KCNIP4: variants seen among roughly 807,000 people sequenced by gnomAD.
KCNIP4 encodes potassium voltage-gated channel interacting protein 4.
Under a neutral mutation model 34.0 loss-of-function variants are expected in KCNIP4, and 12 were observed. The observed-to-expected ratio is 0.35, with a 90% CI of 0.23 to 0.57. The LOEUF is 0.57. Ranked by LOEUF, KCNIP4 falls within the 20% of genes least tolerant of loss-of-function variation. The pLI is 0.83. For synonymous variants in KCNIP4, 124 were observed against 102.2 expected, an observed-to-expected ratio of 1.21 and a Z score of -1.29; for missense variants, 238 against 311.7, an observed-to-expected ratio of 0.76 and a Z score of 1.78.
chr4:20,854,948 C>G (rs1347917277), intron 2 of KCNIP4, among the ~76,000 whole-genome samples: 1 of 152,094 alleles, frequency 6.6e-6, no homozygotes, highest in Non-Finnish European at 1.5e-5. Context: ...ATTTTGTGCC[C>G]ATAGATGTTT....
chr4:20,927,544 A>G (rs1384152688), intron 1 of KCNIP4, among the ~76,000 whole-genome samples: 4 of 152,214 alleles, frequency 2.6e-5, no homozygotes, highest in Non-Finnish European at 5.9e-5. Context: ...CAGTTCTTTG[A>G]AATGTGATAA....
intron 1 of KCNIP4, among the ~76,000 whole-genome samples, chr4:21,668,301 T>C (rs997612042): frequency 2.0e-5 from 3 of 152,098 alleles, no homozygotes; most frequent in African/African-American, 7.2e-5. Context: ...GGCACAGGTA[T>C]ACCTATGTAA....
chr4:21,368,523 A>C (rs1006011658), intron 1 of KCNIP4, among the ~76,000 whole-genome samples: 1 of 147,264 alleles, frequency 6.8e-6, no homozygotes, highest in Middle Eastern at 3.2e-3. Flanking sequence ...TATTAGTCCA[A>C]TATTATCTTC....
In KCNIP4 at chr4:21,589,327, C is replaced by CATGTATATATATACAT. The variant is rs1410227798; in HGVS notation, c.61+359243_61+359244insATGTATATATATACAT. Among the ~76,000 whole-genome samples, 1,196 of 139,308 alleles carry CATGTATATATATACAT rather than the reference C, an allele frequency of 8.6e-3. 24 individuals are homozygous for CATGTATATATATACAT. Among genetic ancestry groups the CATGTATATATATACAT allele is most frequent in the African/African-American group, 0.029 (1,071 of 37,528 alleles). 91.4% of individuals were successfully genotyped at this position (139,308 alleles called of 152,430 possible). A position where few individuals can be genotyped will look rare whatever the true frequency, so the allele number is the denominator to read the frequency against. On this transcript the variant is annotated intron_variant, in intron 1 of 8. Coordinates refer to ENST00000382152, the MANE Select transcript of KCNIP4 (RefSeq NM_025221.6). ...ATACATATATACATGTACATATACA[C>CATGTATATATATACAT]GTGTATATATATACATGTGTATGTA...
intron 1 of KCNIP4, among the ~76,000 whole-genome samples, chr4:21,725,222 A>G (rs1224264471): frequency 6.6e-6 from 1 of 152,134 alleles, no homozygotes; most frequent in Non-Finnish European, 1.5e-5. Flanking sequence ...CTTAGTAAAT[A>G]TTTCAAAACT....
intron 1 of KCNIP4, among the ~76,000 whole-genome samples, chr4:21,475,636 G>C (rs577089030): frequency 1.3e-5 from 2 of 151,010 alleles, no homozygotes; most frequent in Admixed American, 1.3e-4. Context: ...TGAAAATCAA[G>C]TTCTCATTTT....
At chr4:21,425,885 A>G (rs1380879279) in intron 1 of KCNIP4, among the ~76,000 whole-genome samples, 1 of 135,184 alleles carries the variant, frequency 7.4e-6, no homozygotes, top group Non-Finnish European at 1.7e-5. Flanking sequence ...CCCCATCTCT[A>G]TAGAAAAAAA....
At chr4:20,873,961 C>G (rs527239949) in intron 2 of KCNIP4, among the ~76,000 whole-genome samples, 17 of 152,216 alleles carry the variant, frequency 1.1e-4, no homozygotes, top group African/African-American at 4.1e-4. Context: ...GAGGGCCCTG[C>G]TGAAATATTA....
intron 1 of KCNIP4, among the ~76,000 whole-genome samples, chr4:21,407,781 A>T (rs2109576938): frequency 6.6e-6 from 1 of 152,340 alleles, no homozygotes; most frequent in African/African-American, 2.4e-5. Context: ...TAATTGAGAA[A>T]GTCCTGCTTT....
intron 5 of KCNIP4, among the ~76,000 whole-genome samples, chr4:20,736,500 TTTC>T (rs1385085054): frequency 6.6e-6 from 1 of 152,176 alleles, no homozygotes; most frequent in Non-Finnish European, 1.5e-5. Flanking sequence ...ATACGTTGGT[TTTC>T]TTCTGGGTTT....
At chr4:21,172,069 C>T (rs1356737325) in intron 1 of KCNIP4, among the ~76,000 whole-genome samples, 1 of 152,116 alleles carries the variant, frequency 6.6e-6, no homozygotes, top group Non-Finnish European at 1.5e-5. Context: ...ACTCTGTTGC[C>T]AAGGCTGCAG....
chr4:21,056,959 T>C (rs976543401), intron 1 of KCNIP4, among the ~76,000 whole-genome samples: 1 of 152,152 alleles, frequency 6.6e-6, no homozygotes, highest in Non-Finnish European at 1.5e-5. Flanking sequence ...ACACAACTGG[T>C]ATTCAGAAAT....
chr4:21,465,066 G>A (rs1577404058), intron 1 of KCNIP4, among the ~76,000 whole-genome samples: 1 of 152,172 alleles, frequency 6.6e-6, no homozygotes, highest in South Asian at 2.1e-4. Flanking sequence ...AGACTGCCAG[G>A]CTGTCTCTCC....
At chr4:21,073,243 GC>G (rs1294782191) in intron 1 of KCNIP4, among the ~76,000 whole-genome samples, 2 of 152,080 alleles carry the variant, frequency 1.3e-5, no homozygotes, top group Admixed American at 6.6e-5. Flanking sequence ...GGGCAGTATG[GC>G]CATTTTCATG....
chr4:21,286,827 G>C (rs576262650), intron 1 of KCNIP4, among the ~76,000 whole-genome samples: 1 of 152,294 alleles, frequency 6.6e-6, no homozygotes, highest in African/African-American at 2.4e-5. Flanking sequence ...GACAGATCTT[G>C]AGGTAAAATC....
intron 1 of KCNIP4, among the ~76,000 whole-genome samples, chr4:21,550,918 C>T (rs555216257): frequency 2.0e-5 from 3 of 152,204 alleles, no homozygotes; most frequent in South Asian, 2.1e-4. Flanking sequence ...TCTCCCCTTC[C>T]GTAGTCAGTT....
intron 1 of KCNIP4, among the ~76,000 whole-genome samples, chr4:21,943,951 T>C (rs1397056676): frequency 8.2e-6 from 1 of 121,832 alleles, no homozygotes; most frequent in East Asian, 2.1e-4. Context: ...AGAAGGAGAC[T>C]CTTGCTTTTT....
intron 1 of KCNIP4, among the ~76,000 whole-genome samples, chr4:21,328,478 C>T (rs1439555390): frequency 6.6e-6 from 1 of 152,158 alleles, no homozygotes; most frequent in Non-Finnish European, 1.5e-5. Context: ...GACACAAGCA[C>T]CTCTGTGGCT....
chr4:21,063,250 G>T (rs183619778), intron 1 of KCNIP4, among the ~76,000 whole-genome samples: 7 of 152,188 alleles, frequency 4.6e-5, no homozygotes, highest in Admixed American at 4.6e-4. Flanking sequence ...AGTGTCTGTT[G>T]CTTAAGCCAC....
Sources: allele counts gnomAD v4.1 joint callset (sites outside exome capture counted in the v4.1 genomes callset), GRCh38; gene constraint gnomAD v4.1.1; transcripts MANE v1.5; gene names NCBI Gene and HGNC (gene_info 2026-07-23, HGNC 2026-07-21).